The following SLC24A2 variants were observed in gnomAD, a reference collection of about 807,000 sequenced individuals.
SLC24A2 encodes the protein solute carrier family 24 member 2.
In SLC24A2, 36 loss-of-function variants were observed where a neutral mutation model predicts 62.0. That is an observed-to-expected ratio of 0.58 (90% CI 0.44 to 0.77). The LOEUF is 0.77. Ranked by LOEUF, SLC24A2 falls within the 30% of genes least tolerant of loss-of-function variation. The pLI is 0.00. For missense variants in SLC24A2, 846 were observed against 817.9 expected (o/e 1.03, Z -0.42); for synonymous variants, 358 against 294.0 (o/e 1.22, Z -2.23).
At chr9:20,022,425 A>G in the SLC24A2 span, among the ~76,000 whole-genome samples, 1 of 152,250 alleles carries the variant, frequency 6.6e-6, no homozygotes, top group Non-Finnish European at 1.5e-5. Flanking sequence ...GCACAGAACA[A>G]TTATGCAACT....
chr9:20,086,788 T>G, the SLC24A2 span, among the ~76,000 whole-genome samples: 2 of 152,222 alleles, frequency 1.3e-5, no homozygotes, highest in African/African-American at 4.8e-5. Context: ...GCTTTTCTTT[T>G]TGTTCCTGCC....
the SLC24A2 span, among the ~76,000 whole-genome samples, chr9:20,178,147 T>G: frequency 2.0e-5 from 3 of 152,206 alleles, no homozygotes; most frequent in African/African-American, 7.2e-5. Context: ...GTAAAAAGGT[T>G]AATGATCTGA....
the SLC24A2 span, among the ~76,000 whole-genome samples, chr9:20,064,581 G>A: frequency 6.6e-6 from 1 of 152,142 alleles, no homozygotes; most frequent in African/African-American, 2.4e-5. Flanking sequence ...TACTTTTATT[G>A]TAGCACTTAA....
At chr9:20,170,886 CA>C in the SLC24A2 span, among the ~76,000 whole-genome samples, 1 of 151,930 alleles carries the variant, frequency 6.6e-6, no homozygotes, top group Non-Finnish European at 1.5e-5. Flanking sequence ...AATTCATGCA[CA>C]AAAAGGTTAC....
At chr9:19,665,437 T>C (rs930481832) in intron 2 of SLC24A2, among the ~76,000 whole-genome samples, 7 of 152,056 alleles carry the variant, frequency 4.6e-5, no homozygotes, top group African/African-American at 1.4e-4. Context: ...GTTTATGCCA[T>C]CGTGAGAAAG....
chr9:19,636,300 T>TCTCC (rs1818318695), intron 2 of SLC24A2, among the ~76,000 whole-genome samples: 3 of 46,582 alleles, frequency 6.4e-5, no homozygotes, highest in African/African-American at 2.6e-4. Context: ...TTTTCTTTTC[T>TCTCC]TTTCTTTTCT....
At position 19,775,035 on chromosome 9, in the gene SLC24A2, C is replaced by T. The variant is rs58641992; in HGVS notation, c.930+10902G>A. 6.5e-3 allele frequency among the ~76,000 whole-genome samples: 997 copies of T among 152,288 alleles called. 8 individuals are homozygous for T. Among genetic ancestry groups the T allele is most frequent in the African/African-American group, 0.022 (905 of 41,554 alleles). The stretch of plus-strand genomic sequence containing the variant: ...GGGCAAAGTGCCTGGCCCAGGGTTA[C>T]GCAGCCAGTGTCTGGGATGAAAGGG... On this transcript the variant is annotated intron_variant, in intron 2 of 10. Coordinates refer to ENST00000341998, the MANE Select transcript of SLC24A2 (RefSeq NM_020344.4).
At chr9:19,639,102 C>T (rs1818428260) in intron 2 of SLC24A2, among the ~76,000 whole-genome samples, 3 of 114,250 alleles carry the variant, frequency 2.6e-5, no homozygotes, top group South Asian at 3.3e-4. Flanking sequence ...TCTGCATTTG[C>T]AAGTGGTTTT....
chr9:19,665,911 G>A (rs1175837739), intron 2 of SLC24A2, among the ~76,000 whole-genome samples: 4 of 152,094 alleles, frequency 2.6e-5, no homozygotes, highest in East Asian at 1.9e-4. Context: ...CACCCACCTC[G>A]GCCTTCCAAA....
chr9:20,098,158 G>A, the SLC24A2 span, among the ~76,000 whole-genome samples: 1 of 152,148 alleles, frequency 6.6e-6, no homozygotes, highest in African/African-American at 2.4e-5. Flanking sequence ...ATCAGGTTCT[G>A]AAAATAATCA....
chr9:20,077,397 T>C, the SLC24A2 span, among the ~76,000 whole-genome samples: 1 of 152,142 alleles, frequency 6.6e-6, no homozygotes, highest in Non-Finnish European at 1.5e-5. Context: ...CATTCCTTCA[T>C]AAACCTCAAA....
At chr9:20,100,734 G>C in the SLC24A2 span, among the ~76,000 whole-genome samples, 31 of 152,288 alleles carry the variant, frequency 2.0e-4, no homozygotes, top group African/African-American at 7.2e-4. Flanking sequence ...GATTCAAGTT[G>C]TCAGTCTGAA....
the SLC24A2 span, among the ~76,000 whole-genome samples, chr9:19,963,869 G>A: frequency 6.6e-6 from 1 of 152,080 alleles, no homozygotes; most frequent in African/African-American, 2.4e-5. Context: ...CCATTACTGG[G>A]TATATACCCA....
At chr9:19,884,183 C>T in the SLC24A2 span, among the ~76,000 whole-genome samples, 1 of 152,158 alleles carries the variant, frequency 6.6e-6, no homozygotes, top group Admixed American at 6.5e-5. Context: ...GATCTTTTTA[C>T]TTAGGATTTT....
the SLC24A2 span, among the ~76,000 whole-genome samples, chr9:19,794,269 C>A: frequency 6.6e-6 from 1 of 151,748 alleles, no homozygotes; most frequent in Non-Finnish European, 1.5e-5. Flanking sequence ...AATTAAGCTT[C>A]TCTTTGCAAT....
chr9:19,849,437 A>T, the SLC24A2 span, among the ~76,000 whole-genome samples: 1 of 152,184 alleles, frequency 6.6e-6, no homozygotes, highest in African/African-American at 2.4e-5. Flanking sequence ...GTAAATGATG[A>T]GCTTCTCCTG....
the SLC24A2 span, among the ~76,000 whole-genome samples, chr9:19,987,296 G>A: frequency 6.6e-6 from 1 of 152,102 alleles, no homozygotes; most frequent in Non-Finnish European, 1.5e-5. Context: ...AGAGCTATAC[G>A]ATACCTTGGC....
At chr9:19,785,672 G>C (rs994246566) in intron 2 of SLC24A2, among the ~76,000 whole-genome samples, 5 of 152,162 alleles carry the variant, frequency 3.3e-5, no homozygotes, top group African/African-American at 1.2e-4. Context: ...TGCTGAATTG[G>C]CTTTGGGAGG....
the SLC24A2 span, among the ~76,000 whole-genome samples, chr9:19,824,034 C>T: frequency 6.6e-6 from 1 of 152,068 alleles, no homozygotes; most frequent in South Asian, 2.1e-4. Flanking sequence ...AGATGGATTA[C>T]AGACTTAAAT....
Sources: gnomAD v4.1 joint callset for allele counts (sites outside exome capture counted in the v4.1 genomes callset) on GRCh38, gnomAD v4.1.1 for gene constraint, MANE v1.5 for transcripts, NCBI Gene and HGNC (gene_info 2026-07-23, HGNC 2026-07-21) for gene names.